LRRC69: variants seen among roughly 807,000 people sequenced by gnomAD.
LRRC69 encodes the protein leucine rich repeat containing 69.
In LRRC69, 42 loss-of-function variants were observed where a neutral mutation model predicts 37.8. The ratio of observed to expected loss-of-function variants is 1.11; its 90% CI spans 0.87 to 1.44. The LOEUF (loss-of-function observed/expected upper bound fraction) is 1.44, where lower values mean the gene tolerates loss of function less well. LRRC69 is among the 40% of genes most tolerant of loss of function. The pLI, the probability that LRRC69 is intolerant of heterozygous loss-of-function variation, is 0.00. For synonymous variants in LRRC69, 141 were observed against 143.1 expected (o/e 0.99, Z 0.11); for missense variants, 357 against 401.9 (o/e 0.89, Z 0.96).
intron 7 of LRRC69, among the ~76,000 whole-genome samples, chr8:91,201,942 A>G (rs1474392341): frequency 1.3e-5 from 2 of 152,208 alleles, no homozygotes; most frequent in Non-Finnish European, 2.9e-5. Context: ...GCGGTGGCTC[A>G]CACCTGTAAT....
intron 1 of LRRC69, among the ~76,000 whole-genome samples, chr8:91,104,790 C>T (rs949853553): frequency 2.6e-5 from 4 of 152,014 alleles, no homozygotes; most frequent in African/African-American, 7.2e-5. Flanking sequence ...TCATCCTAGT[C>T]TGGGTATGTG....
chr8:91,180,239 G>T (rs1395893330), intron 5 of LRRC69, among the ~76,000 whole-genome samples: 1 of 152,152 alleles, frequency 6.6e-6, no homozygotes, highest in East Asian at 1.9e-4. Context: ...TAATCAAGTT[G>T]TCAGCTGGAA....
intron 1 of LRRC69, among the ~76,000 whole-genome samples, chr8:91,112,225 G>A (rs190451812): frequency 8.9e-4 from 136 of 152,034 alleles, no homozygotes; most frequent in African/African-American, 3.2e-3. Context: ...CCTCAAAGCC[G>A]TGATCACTCT....
chr8:91,152,585 T>C (rs1314743477), intron 5 of LRRC69, among the ~76,000 whole-genome samples: 1 of 151,528 alleles, frequency 6.6e-6, no homozygotes, highest in Non-Finnish European at 1.5e-5. Flanking sequence ...TTGTTCTTTT[T>C]GCTTAGGATT....
intron 5 of LRRC69, among the ~76,000 whole-genome samples, chr8:91,178,107 C>CA (rs1415111760): frequency 6.6e-6 from 1 of 152,168 alleles, no homozygotes; most frequent in Non-Finnish European, 1.5e-5. Flanking sequence ...CTTGGCCTCC[C>CA]AAAGTGCTGG....
intron 5 of LRRC69, among the ~76,000 whole-genome samples, chr8:91,150,434 C>G (rs549125987): frequency 1.2e-4 from 18 of 151,978 alleles, no homozygotes; most frequent in African/African-American, 4.3e-4. Flanking sequence ...AGAGATGAAG[C>G]CCATTTGATC....
chr8:91,150,219 G>A (rs562183024), intron 5 of LRRC69, among the ~76,000 whole-genome samples: 25 of 151,972 alleles, frequency 1.6e-4, no homozygotes, highest in African/African-American at 5.8e-4. Flanking sequence ...TTGGCTGTGG[G>A]TTTGTCATAG....
intron 7 of LRRC69, among the ~76,000 whole-genome samples, chr8:91,217,492 C>T (rs771305689): frequency 1.3e-5 from 2 of 152,124 alleles, no homozygotes; most frequent in Non-Finnish European, 2.9e-5. Flanking sequence ...AGAGAATGTC[C>T]TGGGGCTGAT....
At chr8:91,113,451 G>A (rs2130483924) in intron 1 of LRRC69, among the ~76,000 whole-genome samples, 2 of 152,108 alleles carry the variant, frequency 1.3e-5, no homozygotes, top group South Asian at 4.1e-4. Context: ...GGTGCGAAGA[G>A]CACACATTGG....
At chr8:91,146,493 C>A (rs891973182) in intron 5 of LRRC69, among the ~76,000 whole-genome samples, 1 of 150,826 alleles carries the variant, frequency 6.6e-6, no homozygotes, top group Non-Finnish European at 1.5e-5. Context: ...AAATGTGGCT[C>A]TTGTACAGAC....
chr8:91,186,720 G>T (rs114443555), intron 5 of LRRC69, among the ~76,000 whole-genome samples: 1,943 of 152,178 alleles, frequency 0.013, 49 homozygotes, highest in African/African-American at 0.045. Context: ...AAGTACCATT[G>T]CAACAACTCA....
chr8:91,194,330 A>G (rs569236410), intron 6 of LRRC69, among the ~76,000 whole-genome samples: 2 of 149,958 alleles, frequency 1.3e-5, no homozygotes, highest in African/African-American at 2.5e-5. Context: ...TGTCTCTGCC[A>G]GGCTTTGGTA....
chr8:91,192,347 T>C (rs1303836101), intron 6 of LRRC69, among the ~76,000 whole-genome samples: 1 of 152,104 alleles, frequency 6.6e-6, no homozygotes, highest in Non-Finnish European at 1.5e-5. Context: ...TTATAGTCCT[T>C]TGGGTACATA....
intron 7 of LRRC69, among the ~76,000 whole-genome samples, chr8:91,210,435 C>T (rs1809888112): frequency 6.6e-6 from 1 of 152,048 alleles, no homozygotes; most frequent in Admixed American, 6.6e-5. Context: ...GAAACACTGT[C>T]ATGTGAAAGA....
At chr8:91,163,625 A>G (rs1808982805) in intron 5 of LRRC69, among the ~76,000 whole-genome samples, 1 of 151,306 alleles carries the variant, frequency 6.6e-6, no homozygotes, top group South Asian at 2.1e-4. Context: ...CTTATTTTTC[A>G]GAAGACTTTG....
At chr8:91,214,398 T>C (rs1364950038) in intron 7 of LRRC69, among the ~76,000 whole-genome samples, 2 of 152,218 alleles carry the variant, frequency 1.3e-5, no homozygotes, top group East Asian at 3.8e-4. Context: ...TTCTTCAGTA[T>C]GTTATTTGAA....
intron 7 of LRRC69, among the ~76,000 whole-genome samples, chr8:91,217,357 C>T (rs1021232495): frequency 7.2e-5 from 11 of 152,256 alleles, no homozygotes; most frequent in African/African-American, 2.6e-4. Context: ...CCAAATTTAT[C>T]ATTAGGAATC....
At chr8:91,206,690 C>T (rs1443374322) in intron 7 of LRRC69, 1 of 1,289,248 alleles carries the variant, frequency 7.8e-7, no homozygotes. Flanking sequence ...GTCTCTCTTT[C>T]AGAAACTACA....
At chr8:91,134,172 G>A (rs1356513723) in intron 4 of LRRC69, among the ~76,000 whole-genome samples, 1 of 151,136 alleles carries the variant, frequency 6.6e-6, no homozygotes. Context: ...TGACAGGGCA[G>A]GAGGATAGCA....
Sources: gnomAD v4.1 joint callset for allele counts (sites outside exome capture counted in the v4.1 genomes callset) on GRCh38, gnomAD v4.1.1 for gene constraint, MANE v1.5 for transcripts, NCBI Gene and HGNC (gene_info 2026-07-23, HGNC 2026-07-21) for gene names.